The following PCYT1B variants were observed in gnomAD, a reference collection of about 807,000 sequenced individuals.
PCYT1B encodes choline-phosphate cytidylyltransferase B.
PCYT1B carries 10 observed loss-of-function variants against 26.4 expected under a neutral mutation model. The ratio of observed to expected loss-of-function variants is 0.38; its 90% CI spans 0.23 to 0.64. The LOEUF is 0.64. PCYT1B is among the 30% of genes least tolerant of loss of function. The probability of loss-of-function intolerance (pLI) is 0.56; values close to 1 mark genes in which losing one functional copy is unlikely to be tolerated. For missense variants in PCYT1B, 161 were observed against 292.7 expected, an observed-to-expected ratio of 0.55 and a Z score of 3.28; for synonymous variants, 131 against 108.4, an observed-to-expected ratio of 1.21 and a Z score of -1.29.
At chrX:24,585,542 G>T (rs182429194) in intron 5 of PCYT1B, among the ~76,000 whole-genome samples, 193 of 110,925 alleles carry the variant, frequency 1.7e-3, no homozygotes, top group Non-Finnish European at 2.1e-3. Context: ...AAGTGGGGAG[G>T]TGACAGTCTC....
At chrX:24,664,121 T>A (rs1186701155) in intron 1 of PCYT1B, among the ~76,000 whole-genome samples, 1 of 110,375 alleles carries the variant, frequency 9.1e-6, no homozygotes, top group Admixed American at 9.7e-5. Context: ...GTACTACTGG[T>A]ATCTAGTGGT....
intron 1 of PCYT1B, among the ~76,000 whole-genome samples, chrX:24,622,219 C>T (rs1004530772): frequency 3.6e-5 from 4 of 111,962 alleles, no homozygotes; most frequent in African/African-American, 1.3e-4. Flanking sequence ...TAAAGCACAG[C>T]AGGGTACTTC....
In PCYT1B at chrX:24,595,774, A is replaced by G. The variant is rs144440385; in HGVS notation, c.335-5600T>C. Among the ~76,000 whole-genome samples the G allele has an allele frequency of 1.9e-3, 209 of 109,702 alleles. 2 individuals carry two copies. In the East Asian group the frequency reaches 0.034, roughly 18 times the overall value. On this transcript the variant is annotated intron_variant, in intron 3 of 7. Transcript: ENST00000379144. ...TGCACGCCTGTAATTCCAGCTACTC[A>G]GGAGGCTGAGGCAGGAGAATCGCTT... is the stretch of plus-strand genomic sequence containing the variant.
intron 2 of PCYT1B, among the ~76,000 whole-genome samples, chrX:24,617,092 T>C (rs778817966): frequency 8.9e-6 from 1 of 111,974 alleles, no homozygotes; most frequent in East Asian, 2.8e-4. Context: ...AACCCAGCCA[T>C]CTGGGTTTTA....
At position 24,654,084 on chromosome X, in the gene PCYT1B, TTTTCTTTC is replaced by T. The variant is rs1178544212; in HGVS notation, c.63+18478_63+18485del. ...GACTCTACTATTCCTTCCACGTTTC[TTTTCTTTC>T]TTTCTTTCTTTTTTTTTTTTTTTTT... On this transcript the variant is annotated intron_variant, in intron 1 of 7. Coordinates refer to the PCYT1B transcript ENST00000379145. 9.7e-3 allele frequency among the ~76,000 whole-genome samples: 747 copies of T among 76,920 alleles called. 27 individuals are homozygous for T. Among genetic ancestry groups the T allele is most frequent in the East Asian group, 0.018 (39 of 2,129 alleles). 66.8% of individuals were successfully genotyped at this position (76,920 alleles called of 115,157 possible). A position where few individuals can be genotyped will look rare whatever the true frequency, so the allele number is the denominator to read the frequency against.
intron 2 of PCYT1B, among the ~76,000 whole-genome samples, chrX:24,618,669 G>A (rs1925596881): frequency 9.2e-6 from 1 of 108,403 alleles, no homozygotes; most frequent in Non-Finnish European, 1.9e-5. Flanking sequence ...CCAGGCTGGA[G>A]TGCAGTGGCG....
chrX:24,568,802 T>TA (rs1204036422), intron 7 of PCYT1B, among the ~76,000 whole-genome samples: 1 of 111,390 alleles, frequency 9.0e-6, no homozygotes, highest in African/African-American at 3.3e-5. Context: ...TGTTTAAGGA[T>TA]AAAAATTTGG....
intron 2 of PCYT1B, among the ~76,000 whole-genome samples, chrX:24,617,327 A>G (rs1044050267): frequency 9.2e-6 from 1 of 109,002 alleles, no homozygotes; most frequent in Non-Finnish European, 1.9e-5. Flanking sequence ...ATTGTTAAGC[A>G]AACTGTTCTT....
chrX:24,647,733 T>G (rs1355141288), upstream of PCYT1B, among the ~76,000 whole-genome samples: 2 of 111,542 alleles, frequency 1.8e-5, no homozygotes, highest in African/African-American at 6.7e-5. Context: ...GAGCCCAAAT[T>G]CATTGTGCTA....
At position 24,593,248 on chromosome X, in the gene PCYT1B, T is replaced by A. The variant is rs749159337; in HGVS notation, c.335-3074A>T. Reference sequence around the variant, plus strand: ...ATTTGTTGAATGAATTAACAAAGCCTGATACATATAGATACTCAAGAAATA... The same window carrying A: ...ATTTGTTGAATGAATTAACAAAGCCAGATACATATAGATACTCAAGAAATA... On this transcript the variant is annotated intron_variant, in intron 3 of 7. Coordinates refer to ENST00000379144, the MANE Select transcript of PCYT1B (RefSeq NM_004845.5). Among the ~76,000 whole-genome samples, 3 of 111,656 alleles carry A rather than the reference T, an allele frequency of 2.7e-5. No individual in the cohort carries two copies. In the East Asian group the frequency reaches 8.4e-4, roughly 31 times the overall value.
intron 7 of PCYT1B, among the ~76,000 whole-genome samples, chrX:24,569,563 T>A (rs1057239446): frequency 8.9e-6 from 1 of 112,260 alleles, no homozygotes; most frequent in African/African-American, 3.2e-5. Context: ...TGGAATATCA[T>A]TCAGCCTTCA....
At chrX:24,671,754 C>A (rs1000077749) in intron 1 of PCYT1B, among the ~76,000 whole-genome samples, 1 of 111,440 alleles carries the variant, frequency 9.0e-6, no homozygotes, top group Non-Finnish European at 1.9e-5. Flanking sequence ...TTCTTCACAT[C>A]ATCTGGGGTC....
chrX:24,579,541 G>A lies in PCYT1B; in HGVS notation c.566-83C>T, dbSNP rs1456412995. The A allele has an allele frequency of 3.2e-5, 29 of 918,019 alleles. No homozygotes were observed. The South Asian group carries it at 5.6e-4, about 18-fold the overall frequency. The allele number at this position is 918,019 out of a possible 1,213,427, so 75.7% of individuals were successfully genotyped here. On this transcript the variant is annotated intron_variant, in intron 5 of 7. Transcript: ENST00000379144. ...TCTCCTTTAATGGTCCCCCTTTACA[G>A]GACAAAGTTGGAGCTCCTGGGTATG...
chrX:24,635,851 C>G (rs925153735), intron 1 of PCYT1B, among the ~76,000 whole-genome samples: 1 of 111,839 alleles, frequency 8.9e-6, no homozygotes, highest in African/African-American at 3.3e-5. Flanking sequence ...TTCCCCTTCC[C>G]AAACCCTGAT....
intron 1 of PCYT1B, among the ~76,000 whole-genome samples, chrX:24,620,173 A>G (rs1157304219): frequency 8.9e-6 from 1 of 112,498 alleles, no homozygotes; most frequent in Non-Finnish European, 1.9e-5. Flanking sequence ...GACAGGGGCT[A>G]TGACTCACTT....
chrX:24,667,798 A>G (rs749715668), intron 1 of PCYT1B, among the ~76,000 whole-genome samples: 1 of 111,968 alleles, frequency 8.9e-6, no homozygotes, highest in Non-Finnish European at 1.9e-5. Context: ...AGCTTCATAA[A>G]TTTGGAGAGT....
At chrX:24,586,924 T>C in intron 5 of PCYT1B, among the ~76,000 whole-genome samples, 1 of 111,852 alleles carries the variant, frequency 8.9e-6, no homozygotes, top group East Asian at 2.8e-4. Context: ...GACTTAATTA[T>C]GAATGAGGAA....
chrX:24,666,959 C>G (rs1156565927), intron 1 of PCYT1B, among the ~76,000 whole-genome samples: 1 of 109,594 alleles, frequency 9.1e-6, no homozygotes, highest in East Asian at 2.9e-4. Flanking sequence ...AGTCTAGCCT[C>G]TCACTCCACA....
intron 1 of PCYT1B, among the ~76,000 whole-genome samples, chrX:24,630,284 T>C (rs1220871941): frequency 1.8e-5 from 2 of 111,533 alleles, no homozygotes; most frequent in Admixed American, 1.9e-4. Flanking sequence ...TGTTTTTTGA[T>C]GTTTTTTGTT....
Sources: gnomAD v4.1 joint callset for allele counts (sites outside exome capture counted in the v4.1 genomes callset) on GRCh38, gnomAD v4.1.1 for gene constraint, MANE v1.5 for transcripts, NCBI Gene and HGNC (gene_info 2026-07-23, HGNC 2026-07-21) for gene names.